PCDHGA4: variants seen among roughly 807,000 people sequenced by gnomAD.
The protein encoded by PCDHGA4 is protocadherin gamma-A4.
Under a neutral mutation model 54.6 loss-of-function variants are expected in PCDHGA4, and 38 were observed. The observed-to-expected ratio is 0.70, with a 90% CI of 0.54 to 0.91. The LOEUF (loss-of-function observed/expected upper bound fraction) is 0.91. PCDHGA4 is among the 40% of genes least tolerant of loss of function. The probability of loss-of-function intolerance (pLI) is 0.00; values close to 1 mark genes in which losing one functional copy is unlikely to be tolerated. For missense variants in PCDHGA4, 1,298 were observed against 1,220.9 expected (o/e 1.06, Z -0.94); for synonymous variants, 511 against 512.9 (o/e 1.00, Z 0.05).
At chr5:141,403,425 T>C in intron 1 of PCDHGA4, 1 of 1,614,040 alleles carries the variant, frequency 6.2e-7, no homozygotes, top group South Asian at 1.1e-5. Context: ...CCAGAAGCTA[T>C]TGATCCGGAT....
intron 3 of PCDHGA4, among the ~76,000 whole-genome samples, chr5:141,509,044 C>G (rs1385744160): frequency 1.3e-5 from 2 of 152,130 alleles, no homozygotes. Flanking sequence ...CCCTCTCCCC[C>G]GCCCCCAGAA....
chr5:141,414,559 T>C (rs1330713312), intron 1 of PCDHGA4: 2 of 1,613,782 alleles, frequency 1.2e-6, no homozygotes, highest in Non-Finnish European at 1.7e-6. Flanking sequence ...AGTCTCCTAC[T>C]TTACCTATAT....
At chr5:141,421,429 G>T in intron 1 of PCDHGA4, 1 of 1,614,090 alleles carries the variant, frequency 6.2e-7, no homozygotes, top group Non-Finnish European at 8.5e-7. Flanking sequence ...AGTCCGCATC[G>T]TCTCCAGAGG....
At chr5:141,418,287 G>C in intron 1 of PCDHGA4, 1 of 1,614,020 alleles carries the variant, frequency 6.2e-7, no homozygotes, top group South Asian at 1.1e-5. Context: ...TTAGAAATCA[G>C]TGAATCCGTC....
intron 1 of PCDHGA4, among the ~76,000 whole-genome samples, chr5:141,425,605 A>G (rs1229246680): frequency 6.6e-6 from 1 of 152,230 alleles, no homozygotes; most frequent in Non-Finnish European, 1.5e-5. Context: ...TGCCCTATAT[A>G]GCTTTCAGTG....
intron 2 of PCDHGA4, among the ~76,000 whole-genome samples, chr5:141,503,202 C>G (rs1562210201): frequency 6.6e-6 from 1 of 152,090 alleles, no homozygotes; most frequent in East Asian, 1.9e-4. Context: ...ATCAGCCTCT[C>G]AGTGCCCACC....
intron 1 of PCDHGA4, chr5:141,362,736 AC>A: frequency 1.3e-6 from 1 of 764,592 alleles, no homozygotes; most frequent in Non-Finnish European, 2.0e-6. Flanking sequence ...AGATTTATTT[AC>A]CCATGATTGC....
At chr5:141,375,194 G>A (rs763161370) in intron 1 of PCDHGA4, 1 of 1,613,964 alleles carries the variant, frequency 6.2e-7, no homozygotes, top group South Asian at 1.1e-5. Flanking sequence ...CCTTTTTCAA[G>A]TGTTCGATCG....
chr5:141,413,224 C>G, intron 1 of PCDHGA4: 1 of 1,613,790 alleles, frequency 6.2e-7, no homozygotes, highest in Non-Finnish European at 8.5e-7. Context: ...TTGCAGCGGG[C>G]TGGTCCTGCT....
intron 1 of PCDHGA4, chr5:141,413,841 T>A: frequency 6.2e-7 from 1 of 1,613,060 alleles, no homozygotes; most frequent in Non-Finnish European, 8.5e-7. Flanking sequence ...CCGACGGGGG[T>A]GACCCTCTCC....
At position 141,357,022 on chromosome 5, in the gene PCDHGA4, C is replaced by G. The variant is rs1318663239; in HGVS notation, c.1915C>G (p.Leu639Val). The change falls in exon 1 of 4, where the codon CTA becomes GTA. Residue 639 changes from leucine (L) to valine (V), a missense_variant. Coordinates refer to ENST00000571252, the MANE Select transcript of PCDHGA4 (RefSeq NM_018917.4). ...TCAGAATGCCTGGCTGTCCTACAGC[C>G]TACTCAAGTCCAGCGAGCCGGGACT... is the stretch of plus-strand genomic sequence containing the variant. The part of the protein sequence containing the change: ...SGQNAWLSYS[L>V]LKSSEPGLFA... 1 of 1,614,150 alleles carries G rather than the reference C, an allele frequency of 6.2e-7. No individual in the cohort carries two copies. Among genetic ancestry groups the G allele is most frequent in the South Asian group, 1.1e-5 (1 of 91,092 alleles).
chr5:141,421,160 A>T, intron 1 of PCDHGA4: 1 of 1,250,104 alleles, frequency 8.0e-7, no homozygotes, highest in Non-Finnish European at 1.1e-6. Flanking sequence ...CTAGGACTTC[A>T]TAGATACATA....
rs548002755 is a variant in PCDHGA4, at chr5:141,409,062, G to A, written c.2514+51441G>A. On this transcript the variant is annotated intron_variant, in intron 1 of 3. Coordinates refer to ENST00000571252, the MANE Select transcript of PCDHGA4 (RefSeq NM_018917.4). ...TACTACTTCCGAAGCACTGCCCAGAGCACAAAACATATGTTCTCATTGGAT... is the reference window on the plus strand; with the variant it reads ...TACTACTTCCGAAGCACTGCCCAGAACACAAAACATATGTTCTCATTGGAT... The A allele has an allele frequency of 3.1e-6, 5 of 1,614,000 alleles. No homozygotes were observed. The South Asian group carries it at 4.4e-5, about 14-fold the overall frequency.
At chr5:141,413,844 C>A in intron 1 of PCDHGA4, 2 of 1,613,254 alleles carry the variant, frequency 1.2e-6, no homozygotes, top group Non-Finnish European at 1.7e-6. Context: ...ACGGGGGTGA[C>A]CCTCTCCGAT....
intron 1 of PCDHGA4, chr5:141,396,613 C>G (rs1283036515): frequency 6.6e-6 from 1 of 151,276 alleles, no homozygotes; most frequent in Non-Finnish European, 1.5e-5. Context: ...GGGTGAGACT[C>G]CGTCTCAAAA....
At chr5:141,387,533 C>A (rs2090979640) in intron 1 of PCDHGA4, among the ~76,000 whole-genome samples, 1 of 152,192 alleles carries the variant, frequency 6.6e-6, no homozygotes, top group African/African-American at 2.4e-5. Flanking sequence ...GACGTATCCA[C>A]GTAGTTTTTG....
At chr5:141,361,404 A>G in intron 1 of PCDHGA4, 1 of 1,614,050 alleles carries the variant, frequency 6.2e-7, no homozygotes, top group East Asian at 2.2e-5. Context: ...TCACCATCAC[A>G]GCCACCGACG....
chr5:141,473,254 T>C (rs1203765731), intron 1 of PCDHGA4, among the ~76,000 whole-genome samples: 5 of 152,152 alleles, frequency 3.3e-5, no homozygotes, highest in African/African-American at 4.8e-5. Context: ...ACATATATAG[T>C]CCTTAGTGTA....
rs1410729947 is a variant in PCDHGA4 at position 141,493,256 on chromosome 5, T to TA, written c.2515-1550dup. 3.3e-5 allele frequency among the ~76,000 whole-genome samples: 5 copies of TA among 152,306 alleles called. No homozygotes were observed. The highest frequency in any genetic ancestry group is 1.2e-4 in the African/African-American group (5 of 41,570). ...TGGCTAGGTACTAACATGCCTCTCT[T>TA]ATAACAGCTTCACAGAGGTCAAGTG... On this transcript the variant is annotated intron_variant, in intron 1 of 3. Transcript: ENST00000571252. This position sits in a 1 kb window ranked among gnomAD's most constrained non-coding sequence, Gnocchi z 4.3.
Sources: allele counts gnomAD v4.1 joint callset (sites outside exome capture counted in the v4.1 genomes callset), GRCh38; gene constraint gnomAD v4.1.1; non-coding constraint Gnocchi (gnomAD v3.1); transcripts MANE v1.5; gene names NCBI Gene and HGNC (gene_info 2026-07-23, HGNC 2026-07-21).